Variants in ARHGEF1 observed in about 807,000 individuals in gnomAD.
ARHGEF1 encodes the protein Rho guanine nucleotide exchange factor 1.
ARHGEF1 carries 40 observed loss-of-function variants against 119.7 expected under a neutral mutation model. That is an observed-to-expected ratio of 0.33 (90% CI 0.26 to 0.44). ARHGEF1 has a LOEUF of 0.44. Ranked by LOEUF, ARHGEF1 falls within the 20% of genes least tolerant of loss-of-function variation. The pLI is 1.00. For missense variants in ARHGEF1, 976 were observed against 1,268.3 expected (o/e 0.77, Z 3.50); for synonymous variants, 494 against 521.0 (o/e 0.95, Z 0.71).
At position 41,906,954 on chromosome 19, in the gene ARHGEF1, T is replaced by A; in HGVS notation, c.*17+151T>A. The A allele has an allele frequency of 1.0e-6, 1 of 960,582 alleles. No homozygotes were observed. The allele number at this position is 960,582 out of a possible 1,614,324, so 59.5% of individuals were successfully genotyped here. On this transcript the variant is annotated intron_variant, in intron 28 of 28. Coordinates refer to ENST00000354532, the MANE Select transcript of ARHGEF1 (RefSeq NM_004706.4). The surrounding 1 kb of genome is among the most constrained non-coding windows in gnomAD (Gnocchi z 4.5). ...CGTGTTTCTCATCTCTGTGTCTCTG[T>A]TTCTGATAATCTGTTTCTCTGTCTC...
chr19:41,884,965 G>A (rs2074271637), intron 1 of ARHGEF1, among the ~76,000 whole-genome samples: 1 of 152,062 alleles, frequency 6.6e-6, no homozygotes, highest in South Asian at 2.1e-4. Flanking sequence ...GGTTCTTTAA[G>A]GCTCCAGAAG....
intron 1 of ARHGEF1, among the ~76,000 whole-genome samples, chr19:41,886,356 T>C (rs1181636311): frequency 6.6e-6 from 1 of 152,222 alleles, no homozygotes; most frequent in African/African-American, 2.4e-5. Context: ...GCAAAGATAA[T>C]GAGTATCCCC....
chr19:41,900,038 C>T (rs1555848741), intron 14 of ARHGEF1, among the ~76,000 whole-genome samples: 2 of 151,982 alleles, frequency 1.3e-5, no homozygotes, highest in African/African-American at 4.8e-5. Flanking sequence ...CTGGTGAGCA[C>T]TTGAAATGCA....
At chr19:41,928,776 GGA>G (rs2074888218) in intron 1 of ARHGEF1, 1 of 385,182 alleles carries the variant, frequency 2.6e-6, no homozygotes, top group Non-Finnish European at 5.4e-6. Flanking sequence ...GTGGAGAGGT[GGA>G]GAGACCCCCC....
At chr19:41,928,982 A>G (rs2074889702) in exon 2 of ARHGEF1, 4 of 451,922 alleles carry the variant, frequency 8.9e-6, no homozygotes, top group African/African-American at 4.0e-5. Context: ...GGACATATGG[A>G]TACAGTAAGA....
In ARHGEF1 at chr19:41,903,863, C is replaced by G; in HGVS notation, c.1917+79C>G. On this transcript the variant is annotated intron_variant, in intron 20 of 28. Coordinates refer to ENST00000354532, the MANE Select transcript of ARHGEF1 (RefSeq NM_004706.4). This position sits in a 1 kb window ranked among gnomAD's most constrained non-coding sequence, Gnocchi z 4.2. ...TTCTGTGATACAGCCCCCAGCCTGT[C>G]CTGCCCATCCCATAATACACCCAGG... 6.8e-7 allele frequency: 1 copy of G among 1,479,772 alleles called. No homozygotes were observed. Among genetic ancestry groups the G allele is most frequent in the African/African-American group, 1.4e-5 (1 of 71,882 alleles). The allele number at this position is 1,479,772 out of a possible 1,614,324, so 91.7% of individuals were successfully genotyped here. A position where few individuals can be genotyped will look rare whatever the true frequency, so the allele number is the denominator to read the frequency against.
chr19:41,884,618 A>G, intron 1 of ARHGEF1: 1 of 1,347,942 alleles, frequency 7.4e-7, no homozygotes, highest in East Asian at 2.5e-5. Context: ...CGCCACGTCC[A>G]TGTAAGATTT....
chr19:41,902,336 G>A lies in ARHGEF1; in HGVS notation c.1477G>A (p.Gly493Arg), dbSNP rs371904102. 2 of 1,614,100 alleles carry A rather than the reference G, an allele frequency of 1.2e-6. No individual in the cohort carries two copies. The highest frequency in any genetic ancestry group is 1.7e-6 in the Non-Finnish European group (2 of 1,180,048). Residue 493 changes from glycine to arginine, a missense_variant, in exon 16 of 29, where the codon GGA becomes AGA. This residue lies in a region of ARHGEF1 where 286 missense variants were observed against 506.8 expected (regional missense o/e 0.56). Transcript: ENST00000354532. This position sits in a 1 kb window ranked among gnomAD's most constrained non-coding sequence, Gnocchi z 6.5. ...GAGTGGCTACCTCATCGAGGAGATC[G>A]GAGACGTGCTGCTGGCCCGGGTGAG... ...QESGYLIEEIGDVLLARFDGA... is the reference protein window; with the variant it reads ...QESGYLIEEIRDVLLARFDGA...
rs1555849625 is a variant in ARHGEF1, at chr19:41,904,141, G to C, written c.1993+31G>C. The C allele has an allele frequency of 6.2e-7, 1 of 1,613,950 alleles. No individual in the cohort carries two copies. Among genetic ancestry groups the C allele is most frequent in the Non-Finnish European group, 8.5e-7 (1 of 1,179,824 alleles). ...TGCCAGAGCAGCTGCCTAGTGCAGG[G>C]TGTTGGGGCAGTGAGCCAAGGGCGG... On this transcript the variant is annotated intron_variant, in intron 21 of 28. Transcript: ENST00000354532. This position sits in a 1 kb window ranked among gnomAD's most constrained non-coding sequence, Gnocchi z 8.4.
intron 18 of ARHGEF1, among the ~76,000 whole-genome samples, chr19:41,914,636 T>G (rs1555851616): frequency 3.7e-5 from 1 of 27,090 alleles, no homozygotes; most frequent in Non-Finnish European, 6.0e-5. Flanking sequence ...TCTGTCTCTG[T>G]CTCTCCCTCC....
chr19:41,922,836 T>C (rs1467400403), upstream of ARHGEF1, among the ~76,000 whole-genome samples: 1 of 152,226 alleles, frequency 6.6e-6, no homozygotes, highest in Non-Finnish European at 1.5e-5. Flanking sequence ...GATGCAATCC[T>C]GGCCCGCGCA....
At chr19:41,893,333 C>T (rs2074408997) in intron 8 of ARHGEF1, 30 bp downstream of exon 8, 1 of 1,584,346 alleles carries the variant, frequency 6.3e-7, no homozygotes, top group Non-Finnish European at 8.6e-7. Context: ...CGTGCGGCCT[C>T]CTGGGTTTGA....
In ARHGEF1 at chr19:41,896,390, C is replaced by T. The variant is rs782642615; in HGVS notation, c.1029C>T (p.Pro343=). The T allele has an allele frequency of 7.0e-7, 1 of 1,438,424 alleles. No homozygotes were observed. The highest frequency in any genetic ancestry group is 9.1e-7 in the Non-Finnish European group (1 of 1,094,242). The allele number at this position is 1,438,424 out of a possible 1,614,324, so 89.1% of individuals were successfully genotyped here. A position where few individuals can be genotyped will look rare whatever the true frequency, so the allele number is the denominator to read the frequency against. The change falls in exon 13 of 29, where the codon CCC becomes CCT. Residue 343 remains proline (P), a synonymous_variant. Transcript: ENST00000354532. ...SPDREPGADA[P]LELGDSSPQG... ...TCCACCCCACAGGTGCTGACGCCCC[C>T]CTGGAGCTGGGGGACTCATCCCCGC...
In ARHGEF1 at chr19:41,902,071, G is replaced by A. The variant is rs2074612788; in HGVS notation, c.1414+38G>A. The A allele has an allele frequency of 6.2e-7, 1 of 1,604,222 alleles. No homozygotes were observed. The highest frequency in any genetic ancestry group is 1.7e-5 in the Admixed American group (1 of 59,616). ...CCAGGGTCCCTCTGTGTACCCCACTGCCCCACGGGCAGCTCTGCTCTAGCC... is the reference window on the plus strand; with the variant it reads ...CCAGGGTCCCTCTGTGTACCCCACTACCCCACGGGCAGCTCTGCTCTAGCC... On this transcript the variant is annotated intron_variant, in intron 15 of 28. Transcript: ENST00000354532. The surrounding 1 kb of genome is among the most constrained non-coding windows in gnomAD (Gnocchi z 6.5).
chr19:41,921,711 G>A (rs144528297), upstream of ARHGEF1, among the ~76,000 whole-genome samples: 2 of 152,194 alleles, frequency 1.3e-5, no homozygotes, highest in Admixed American at 1.3e-4. This position sits in a 1 kb window ranked among gnomAD's most constrained non-coding sequence, Gnocchi z 4.4. Flanking sequence ...AGGGATGCAG[G>A]CGAGCCCGGC....
At position 41,907,026 on chromosome 19, in the gene ARHGEF1, C is replaced by T. The variant is rs1243758714; in HGVS notation, c.*18-79C>T. 6.0e-6 allele frequency: 8 copies of T among 1,332,484 alleles called. No homozygotes were observed. In the South Asian group the frequency reaches 6.1e-5, roughly 10 times the overall value. The allele number at this position is 1,332,484 out of a possible 1,614,324, so 82.5% of individuals were successfully genotyped here. On this transcript the variant is annotated intron_variant, in intron 28 of 28. Coordinates refer to ENST00000354532, the MANE Select transcript of ARHGEF1 (RefSeq NM_004706.4). Reference sequence around the variant, plus strand: ...ACCTCCCCTTCTCTCTCTGCTCTCCCTGTCTTGTCTCTGTGTCTGTCTCTC... The same window carrying T: ...ACCTCCCCTTCTCTCTCTGCTCTCCTTGTCTTGTCTCTGTGTCTGTCTCTC...
At position 41,904,486 on chromosome 19, in the gene ARHGEF1, A is replaced by AT. The variant is rs1435454664; in HGVS notation, c.2161+105dup. On this transcript the variant is annotated intron_variant, in intron 22 of 28. Coordinates refer to ENST00000354532, the MANE Select transcript of ARHGEF1 (RefSeq NM_004706.4). This position sits in a 1 kb window ranked among gnomAD's most constrained non-coding sequence, Gnocchi z 8.4. ...CCCTCTAGAGAGCCAGGGAGCCAGC[A>AT]TTCTAGCAAAGAGGTTGAGAAGTAG... 2.2e-6 allele frequency: 3 copies of AT among 1,355,256 alleles called. No homozygotes were observed. The African/African-American group carries it at 4.4e-5, about 20-fold the overall frequency. 84.0% of individuals were successfully genotyped at this position (1,355,256 alleles called of 1,614,324 possible).
rs1186548382 is a variant in ARHGEF1, at chr19:41,905,570, C to G, written c.2337-190C>G. ...GCATGTGCCGACCCCACCACTGCCCCGTCTGTCTCCTGTCTCCAGGCCTCT... is the reference window on the plus strand; with the variant it reads ...GCATGTGCCGACCCCACCACTGCCCGGTCTGTCTCCTGTCTCCAGGCCTCT... On this transcript the variant is annotated intron_variant, in intron 24 of 28. Coordinates refer to ENST00000354532, the MANE Select transcript of ARHGEF1 (RefSeq NM_004706.4). The surrounding 1 kb of genome is among the most constrained non-coding windows in gnomAD (Gnocchi z 6.4). 3.1e-6 allele frequency: 2 copies of G among 643,366 alleles called. No homozygotes were observed. Among genetic ancestry groups the G allele is most frequent in the Admixed American group, 2.9e-5 (1 of 34,548 alleles). The allele number at this position is 643,366 out of a possible 1,614,324, so 39.9% of individuals were successfully genotyped here. A position where few individuals can be genotyped will look rare whatever the true frequency, so the allele number is the denominator to read the frequency against.
At chr19:41,891,842 G>T (rs187172941) in intron 4 of ARHGEF1, among the ~76,000 whole-genome samples, 183 bp from the exon 5 acceptor site, 1 of 152,324 alleles carries the variant, frequency 6.6e-6, no homozygotes, top group Admixed American at 6.5e-5. Context: ...GCCCCAGGGA[G>T]CCTGCAGGGG....
Sources: gnomAD v4.1 joint callset for allele counts (sites outside exome capture counted in the v4.1 genomes callset) on GRCh38, gnomAD v4.1.1 for gene constraint, gnomAD v4.1.1 regional missense constraint, Gnocchi (gnomAD v3.1) non-coding constraint, MANE v1.5 for transcripts, NCBI Gene and HGNC (gene_info 2026-07-23, HGNC 2026-07-21) for gene names.